Variants in GXYLT1 observed in about 807,000 individuals in gnomAD.
The protein encoded by GXYLT1 is glucoside xylosyltransferase 1, also known as glycosyltransferase 8 domain containing 3.
A neutral mutation model predicts 54.0 loss-of-function variants in GXYLT1; 29 were observed. The ratio of observed to expected loss-of-function variants is 0.54; its 90% confidence interval spans 0.40 to 0.73. GXYLT1 has a LOEUF of 0.73. Among genes scored for constraint, GXYLT1 ranks in the 30% least tolerant of loss-of-function variants. GXYLT1 has a pLI of 0.00. For synonymous variants in GXYLT1, 176 were observed against 204.1 expected, an observed-to-expected ratio of 0.86 and a Z score of 1.17; for missense variants, 490 against 553.4, an observed-to-expected ratio of 0.89 and a Z score of 1.15.
chr12:42,139,938 T>C (rs1592129733), intron 1 of GXYLT1, among the ~76,000 whole-genome samples: 1 of 151,948 alleles, frequency 6.6e-6, no homozygotes, highest in East Asian at 1.9e-4. Flanking sequence ...TCCCAGCACT[T>C]TGGGAAGCCG....
chr12:42,143,896 G>A (rs560072837), intron 1 of GXYLT1, among the ~76,000 whole-genome samples: 9 of 151,986 alleles, frequency 5.9e-5, no homozygotes, highest in Non-Finnish European at 8.8e-5. Flanking sequence ...TTCACAACCC[G>A]CACAAATGCC....
intron 2 of GXYLT1, among the ~76,000 whole-genome samples, chr12:42,120,433 G>C (rs2065523910): frequency 6.6e-6 from 1 of 152,228 alleles, no homozygotes; most frequent in African/African-American, 2.4e-5. Flanking sequence ...CAGTGCAGCA[G>C]TGGATACCAA....
rs200728874 is a variant in GXYLT1, at chr12:42,129,816, T to C, written c.257A>G (p.Tyr86Cys). ...ACAAACATCAGAGGGCAGCATCCAATAGGGATTCCAGTAACACAGAGAGAA... is the reference window on the plus strand; with the variant it reads ...ACAAACATCAGAGGGCAGCATCCAACAGGGATTCCAGTAACACAGAGAGAA... ...KDFSLCYWNP[Y>C]WMLPSDVCGM... The change falls in exon 2 of 8, where the codon TAT becomes TGT. Residue 86 changes from tyrosine (Y) to cysteine (C), a missense_variant. Transcript: ENST00000398675. 1.9e-5 allele frequency: 30 copies of C among 1,613,558 alleles called. No individual in the cohort carries two copies. The East Asian group carries it at 3.6e-4, about 19-fold the overall frequency.
intron 5 of GXYLT1, among the ~76,000 whole-genome samples, chr12:42,101,575 C>CTTT (rs34135942): frequency 6.9e-6 from 1 of 145,564 alleles, no homozygotes. Flanking sequence ...TTTCAAAATA[C>CTTT]TTTTTTTTTT....
intron 1 of GXYLT1, among the ~76,000 whole-genome samples, chr12:42,141,367 G>T (rs535913537): frequency 6.6e-6 from 1 of 152,296 alleles, no homozygotes; most frequent in Non-Finnish European, 1.5e-5. Flanking sequence ...TTCAAAAACT[G>T]TATAAGCCTA....
At chr12:42,092,321 C>A (rs1373733080) in intron 7 of GXYLT1, among the ~76,000 whole-genome samples, 1 of 152,166 alleles carries the variant, frequency 6.6e-6, no homozygotes, top group Non-Finnish European at 1.5e-5. Flanking sequence ...TGTAGTAGAA[C>A]AGACAGCATA....
chr12:42,142,693 G>C (rs1393871481), intron 1 of GXYLT1, among the ~76,000 whole-genome samples: 1 of 151,976 alleles, frequency 6.6e-6, no homozygotes, highest in Non-Finnish European at 1.5e-5. Flanking sequence ...TATAAATGAC[G>C]ATATACAAAA....
chr12:42,098,360 T>G (rs905575565), intron 5 of GXYLT1, among the ~76,000 whole-genome samples: 2 of 152,166 alleles, frequency 1.3e-5, no homozygotes, highest in Non-Finnish European at 2.9e-5. Context: ...ATTAAAATTG[T>G]TAATATATAA....
At chr12:42,097,339 G>T in intron 7 of GXYLT1, 103 bp downstream of exon 7, 1 of 822,134 alleles carries the variant, frequency 1.2e-6, no homozygotes, top group Non-Finnish European at 1.8e-6. Context: ...AACAGATGAG[G>T]CTGAGTGTGT....
chr12:42,099,686 C>G (rs1349716228), intron 5 of GXYLT1, among the ~76,000 whole-genome samples: 1 of 151,990 alleles, frequency 6.6e-6, no homozygotes, highest in Non-Finnish European at 1.5e-5. Context: ...AACCCTGTAC[C>G]AAAAGTACAA....
At chr12:42,121,069 AAAAACT>A (rs1252074067) in intron 2 of GXYLT1, among the ~76,000 whole-genome samples, 1 of 152,182 alleles carries the variant, frequency 6.6e-6, no homozygotes, top group Non-Finnish European at 1.5e-5. Context: ...ATGACAAGTT[AAAAACT>A]AGGCAATCAA....
chr12:42,141,442 CAAATT>C (rs2065651922), intron 1 of GXYLT1, among the ~76,000 whole-genome samples: 1 of 151,742 alleles, frequency 6.6e-6, no homozygotes, highest in Admixed American at 6.6e-5. Flanking sequence ...AATTCTATTA[CAAATT>C]AAGTAAGGTA....
chr12:42,125,121 T>C (rs144985315), intron 2 of GXYLT1, among the ~76,000 whole-genome samples: 1 of 152,280 alleles, frequency 6.6e-6, no homozygotes, highest in East Asian at 1.9e-4. Context: ...GAGAGGAGAC[T>C]ATAATTGTTT....
chr12:42,141,627 T>C (rs2065652918), intron 1 of GXYLT1, among the ~76,000 whole-genome samples: 1 of 152,158 alleles, frequency 6.6e-6, no homozygotes, highest in Non-Finnish European at 1.5e-5. Context: ...TATGTCAAAC[T>C]ATCAAGTTCT....
chr12:42,119,209 G>C (rs371041387), intron 2 of GXYLT1, 38 bp from the exon 3 acceptor site: 12 of 1,478,568 alleles, frequency 8.1e-6, no homozygotes, highest in Non-Finnish European at 1.1e-5. Flanking sequence ...AACAGTTTTA[G>C]TATATGTTTA....
intron 3 of GXYLT1, among the ~76,000 whole-genome samples, chr12:42,115,681 A>G (rs1413477445): frequency 2.6e-5 from 4 of 151,952 alleles, no homozygotes; most frequent in Non-Finnish European, 5.9e-5. Context: ...GGAAGAATCA[A>G]TATCATGAAA....
intron 7 of GXYLT1, 67 bp downstream of exon 7, chr12:42,097,374 GT>G (rs1454560497): frequency 8.0e-7 from 1 of 1,249,778 alleles, no homozygotes; most frequent in Non-Finnish European, 1.1e-6. Flanking sequence ...TACTATTTTT[GT>G]AAACTAACCA....
In GXYLT1 at chr12:42,144,623, C is replaced by T. The variant is rs767373050; in HGVS notation, c.24G>A (p.Val8=). 1.8e-5 allele frequency: 26 copies of T among 1,472,050 alleles called. No homozygotes were observed. The highest frequency in any genetic ancestry group is 2.2e-5 in the Non-Finnish European group (24 of 1,110,030). 91.2% of individuals were successfully genotyped at this position (1,472,050 alleles called of 1,614,324 possible). A position where few individuals can be genotyped will look rare whatever the true frequency, so the allele number is the denominator to read the frequency against. The change falls in exon 1 of 8, where the codon GTG becomes GTA. Residue 8 remains valine (V), a synonymous_variant. Coordinates refer to ENST00000398675, the MANE Select transcript of GXYLT1 (RefSeq NM_173601.2). MRRYLRV[V]VLCVACGFCS... ...AGAAGCCGCAGGCCACACACAGCAC[C>T]ACGACGCGCAGGTAGCGCCGCATCG...
intron 4 of GXYLT1, among the ~76,000 whole-genome samples, chr12:42,108,465 A>G (rs959430245): frequency 3.9e-5 from 6 of 152,208 alleles, no homozygotes; most frequent in Admixed American, 6.5e-5. Flanking sequence ...GACAAAAACT[A>G]GGCACTCACA....
Sources: gnomAD v4.1 joint callset for allele counts (sites outside exome capture counted in the v4.1 genomes callset) on GRCh38, gnomAD v4.1.1 for gene constraint, MANE v1.5 for transcripts, NCBI Gene and HGNC (gene_info 2026-07-23, HGNC 2026-07-21) for gene names.